Variants in LRPPRC observed in about 807,000 individuals in gnomAD.
LRPPRC encodes the protein leucine-rich PPR motif-containing protein, mitochondrial.
A neutral mutation model predicts 180.3 loss-of-function variants in LRPPRC; 120 were observed. That is an observed-to-expected ratio of 0.67 (90% CI 0.57 to 0.77). LRPPRC has a LOEUF of 0.77. LRPPRC is among the 30% of genes least tolerant of loss of function. The pLI, the probability that LRPPRC is intolerant of heterozygous loss-of-function variation, is 0.00. For synonymous variants in LRPPRC, 723 were observed against 600.0 expected (o/e 1.21, Z -3.00); for missense variants, 2,012 against 1,657.2 (o/e 1.21, Z -3.72).
intron 31 of LRPPRC, 98 bp from the exon 32 acceptor site, chr2:43,901,622 A>G: frequency 1.3e-6 from 1 of 754,188 alleles, no homozygotes; most frequent in South Asian, 1.5e-5. Context: ...CCAAATGGCC[A>G]TAAACAAAAA....
chr2:43,897,352 A>G (rs1164555432), intron 34 of LRPPRC, among the ~76,000 whole-genome samples: 1 of 152,188 alleles, frequency 6.6e-6, no homozygotes, highest in Non-Finnish European at 1.5e-5. Context: ...GTAAAATCAA[A>G]TATGGCAAGA....
Position 43,886,806 on chromosome 2 carries a change from A to T in LRPPRC, c.*1794T>A, listed in dbSNP as rs1305385517. On this transcript the variant is annotated 3_prime_UTR_variant, in exon 38 of 38. Transcript: ENST00000260665. ...ACTAACTTGTGGTTAGCATGACTGC[A>T]AAAAAATGAGGCCTGCTTCAGTGCA... 6.6e-6 allele frequency: 1 copy of T among 152,168 alleles called. No homozygotes were observed. Among genetic ancestry groups the T allele is most frequent in the Non-Finnish European group, 1.5e-5 (1 of 68,038 alleles). 9.4% of individuals were successfully genotyped at this position (152,168 alleles called of 1,614,324 possible). A position where few individuals can be genotyped will look rare whatever the true frequency, so the allele number is the denominator to read the frequency against.
intron 13 of LRPPRC, among the ~76,000 whole-genome samples, chr2:43,957,788 C>A (rs930223612): frequency 6.6e-6 from 1 of 152,072 alleles, no homozygotes; most frequent in African/African-American, 2.4e-5. Context: ...CATGGTGGCA[C>A]CATGAAGAGA....
Position 43,947,331 on chromosome 2 carries a change from C to A in LRPPRC, c.2005G>T (p.Glu669Ter), listed in dbSNP as rs776195859. 6.2e-7 allele frequency: 1 copy of A among 1,604,192 alleles called. No individual in the cohort carries two copies. Among genetic ancestry groups the A allele is most frequent in the Non-Finnish European group, 8.5e-7 (1 of 1,171,996 alleles). The change falls in exon 20 of 38, where the codon GAA (glutamate) becomes TAA (stop). Residue 669 changes from glutamate to a stop codon, truncating the protein, a stop_gained. Transcript: ENST00000260665. LOFTEE classifies it high-confidence loss of function. ...GGTTGATTTTCAGCTTTTAGTGTTT[C>A]AAGTGTGGACTCCAATTCAGATGAT... ...LTSSELESTL[E>*]TLKAENQPIR...
At chr2:43,908,943 C>G (rs1238948037) in intron 30 of LRPPRC, among the ~76,000 whole-genome samples, 2 of 152,166 alleles carry the variant, frequency 1.3e-5, no homozygotes, top group African/African-American at 4.8e-5. Flanking sequence ...GGCGGTACCG[C>G]CACTTGCTAC....
intron 6 of LRPPRC, 21 bp from the exon 7 acceptor site, chr2:43,975,238 C>A: frequency 6.2e-7 from 1 of 1,607,976 alleles, no homozygotes; most frequent in Non-Finnish European, 8.5e-7. Flanking sequence ...ATTCAAAAAA[C>A]AGATTATTAT....
intron 3 of LRPPRC, among the ~76,000 whole-genome samples, chr2:43,979,398 C>T (rs771671690): frequency 6.6e-6 from 1 of 152,112 alleles, no homozygotes; most frequent in Non-Finnish European, 1.5e-5. Flanking sequence ...ACGGGTACTC[C>T]ATAATTTATT....
At chr2:43,932,269 C>A (rs1672120652) in intron 25 of LRPPRC, among the ~76,000 whole-genome samples, 1 of 151,608 alleles carries the variant, frequency 6.6e-6, no homozygotes, top group Non-Finnish European at 1.5e-5. Flanking sequence ...TTGCCTATAT[C>A]TTTCTTCATT....
chr2:43,945,042 T>C (rs189687509), intron 22 of LRPPRC, among the ~76,000 whole-genome samples: 3 of 152,190 alleles, frequency 2.0e-5, no homozygotes, highest in Admixed American at 6.5e-5. Flanking sequence ...CATAAGCAAA[T>C]TGTGCCATAA....
At chr2:43,971,372 AAT>A (rs1298727604) in intron 11 of LRPPRC, among the ~76,000 whole-genome samples, 3 of 150,368 alleles carry the variant, frequency 2.0e-5, no homozygotes, top group Non-Finnish European at 4.4e-5. Flanking sequence ...AGTAATTATA[AAT>A]ATCTTTCTTG....
intron 12 of LRPPRC, among the ~76,000 whole-genome samples, chr2:43,962,359 C>T (rs949501173): frequency 4.6e-5 from 7 of 152,022 alleles, no homozygotes; most frequent in Non-Finnish European, 8.8e-5. Flanking sequence ...AAGATATAAA[C>T]CCTAACACTT....
intron 14 of LRPPRC, among the ~76,000 whole-genome samples, chr2:43,954,891 A>G (rs1673044490): frequency 2.0e-5 from 3 of 152,320 alleles, no homozygotes; most frequent in South Asian, 4.1e-4. Flanking sequence ...AGTGAAAAAG[A>G]AAGATGAGTA....
At chr2:43,985,484 C>T (rs1368729392) in intron 1 of LRPPRC, among the ~76,000 whole-genome samples, 2 of 152,166 alleles carry the variant, frequency 1.3e-5, no homozygotes, top group East Asian at 1.9e-4. Context: ...GCTCTATCTC[C>T]TCATTCCTTC....
Position 43,934,100 on chromosome 2 carries a change from C to T in LRPPRC, c.2736+90G>A, listed in dbSNP as rs1020267468. 2.3e-5 allele frequency: 17 copies of T among 749,206 alleles called. 2 individuals carry two copies. The highest frequency in any genetic ancestry group is 2.2e-4 in the South Asian group (15 of 66,772). 46.4% of individuals were successfully genotyped at this position (749,206 alleles called of 1,614,324 possible). ...TGAATTCTATTAACATGAATCAGAA[C>T]AAGTGTAATTAAAGGTTAAAATTTT... is the stretch of plus-strand genomic sequence containing the variant. On this transcript the variant is annotated intron_variant, in intron 25 of 37. Coordinates refer to ENST00000260665, the MANE Select transcript of LRPPRC (RefSeq NM_133259.4).
chr2:43,915,054 A>AAAAAAATAC (rs1491497276), intron 29 of LRPPRC, among the ~76,000 whole-genome samples: 3 of 15,294 alleles, frequency 2.0e-4, no homozygotes, highest in Non-Finnish European at 2.9e-4. Context: ...CTAAAAATAC[A>AAAAAAATAC]AAAAAAAAAA....
At chr2:43,993,951 G>C (rs1002319074) in intron 1 of LRPPRC, among the ~76,000 whole-genome samples, 6 of 152,114 alleles carry the variant, frequency 3.9e-5, no homozygotes, top group African/African-American at 1.4e-4. Context: ...AGACAGGTTA[G>C]TAAGATGGCT....
intron 25 of LRPPRC, among the ~76,000 whole-genome samples, chr2:43,930,574 T>A (rs1672052744): frequency 6.6e-6 from 1 of 152,206 alleles, no homozygotes; most frequent in African/African-American, 2.4e-5. Flanking sequence ...CAAACTGGAG[T>A]TCATTTGCGC....
chr2:43,927,962 A>C (rs1671949500), intron 25 of LRPPRC, among the ~76,000 whole-genome samples: 1 of 152,260 alleles, frequency 6.6e-6, no homozygotes, highest in Non-Finnish European at 1.5e-5. Flanking sequence ...AAGCAGAAAT[A>C]GAAAATGTAA....
At chr2:43,955,794 C>T (rs1028837021) in intron 14 of LRPPRC, among the ~76,000 whole-genome samples, 2 of 152,066 alleles carry the variant, frequency 1.3e-5, no homozygotes, top group African/African-American at 2.4e-5. Context: ...CAAGGATTAC[C>T]AATGGCTGCT....
Sources: gnomAD v4.1 joint callset for allele counts (sites outside exome capture counted in the v4.1 genomes callset) on GRCh38, gnomAD v4.1.1 for gene constraint, MANE v1.5 for transcripts, NCBI Gene and HGNC (gene_info 2026-07-23, HGNC 2026-07-21) for gene names.